SHQ1: variants seen among roughly 807,000 people sequenced by gnomAD.
SHQ1 encodes the protein protein SHQ1 homolog.
A neutral mutation model predicts 53.8 loss-of-function variants in SHQ1; 49 were observed. The ratio of observed to expected loss-of-function variants is 0.91; its 90% confidence interval spans 0.72 to 1.16. The LOEUF is 1.16. Ranked by LOEUF, SHQ1 falls within the 50% of genes most tolerant of loss-of-function variation. The probability of loss-of-function intolerance (pLI) is 0.00; values close to 1 mark genes in which losing one functional copy is unlikely to be tolerated. For missense variants in SHQ1, 738 were observed against 683.1 expected (o/e 1.08, Z -0.90); for synonymous variants, 243 against 251.0 (o/e 0.97, Z 0.30).
intron 9 of SHQ1, 122 bp downstream of exon 9, chr3:72,812,549 T>C: frequency 9.6e-7 from 1 of 1,039,450 alleles, no homozygotes; most frequent in South Asian, 1.6e-5. Context: ...TAAAAGTGGT[T>C]GGATTCATTT....
At chr3:72,771,673 T>A (rs1224391282) in intron 10 of SHQ1, among the ~76,000 whole-genome samples, 1 of 152,202 alleles carries the variant, frequency 6.6e-6, no homozygotes, top group Non-Finnish European at 1.5e-5. Context: ...GACAAAGTAG[T>A]CTGCCCAAAA....
intron 10 of SHQ1, among the ~76,000 whole-genome samples, chr3:72,763,054 CACACACACAG>C (rs1456371004): frequency 2.6e-4 from 36 of 138,056 alleles, no homozygotes; most frequent in East Asian, 8.0e-4. Flanking sequence ...CACACACACA[CACACACACAG>C]AGAGAGAGAG....
intron 10 of SHQ1, among the ~76,000 whole-genome samples, chr3:72,769,191 G>C (rs1402749323): frequency 6.6e-6 from 1 of 152,196 alleles, no homozygotes; most frequent in Non-Finnish European, 1.5e-5. Flanking sequence ...AATGGAGACA[G>C]CTGGCCCCAG....
At chr3:72,792,784 CAAAAAAAAAAAAAAA>C (rs59948195) in intron 10 of SHQ1, 117 bp downstream of exon 10, 13 of 258,100 alleles carry the variant, frequency 5.0e-5, no homozygotes, top group South Asian at 2.7e-4. Flanking sequence ...ACCTCCATCT[CAAAAAAAAAAAAAAA>C]AAAAAAAAAA....
Position 72,812,681 on chromosome 3 carries a change from T to C in SHQ1, c.1050A>G (p.Ile350Met), listed in dbSNP as rs1372755987. Reference sequence around the variant, plus strand: ...ACAGTAATATCTTACCCAGTTGCAATATCTTTATAGTGTCCCTGTAGGCCT... The same window carrying C: ...ACAGTAATATCTTACCCAGTTGCAACATCTTTATAGTGTCCCTGTAGGCCT... ...VMKAYRDTIKILQLGKSAVLK... is the reference protein window; with the variant it reads ...VMKAYRDTIKMLQLGKSAVLK... Residue 350 changes from isoleucine to methionine, a missense_variant, in exon 9 of 11, where the codon ATA (isoleucine) becomes ATG (methionine). Transcript: ENST00000325599. 1.2e-6 allele frequency: 2 copies of C among 1,613,902 alleles called. No homozygotes were observed. Among genetic ancestry groups the C allele is most frequent in the Non-Finnish European group, 1.7e-6 (2 of 1,179,904 alleles).
chr3:72,737,193 G>T, the SHQ1 span, among the ~76,000 whole-genome samples: 1 of 152,062 alleles, frequency 6.6e-6, no homozygotes, highest in Admixed American at 6.6e-5. Context: ...CATGAGAATT[G>T]CTTGAACCCA....
intron 10 of SHQ1, among the ~76,000 whole-genome samples, chr3:72,779,332 T>A (rs1342807669): frequency 6.6e-6 from 1 of 152,184 alleles, no homozygotes; most frequent in African/African-American, 2.4e-5. Flanking sequence ...CCACCTTTTT[T>A]AGGTTAACTC....
chr3:72,746,685 A>G (rs1402223502), downstream of SHQ1, among the ~76,000 whole-genome samples: 2 of 152,330 alleles, frequency 1.3e-5, no homozygotes, highest in African/African-American at 4.8e-5. Flanking sequence ...GAGGAAGGGA[A>G]TAACAGGTTT....
the SHQ1 span, among the ~76,000 whole-genome samples, chr3:72,737,099 A>G: frequency 6.6e-6 from 1 of 151,924 alleles, no homozygotes; most frequent in African/African-American, 2.4e-5. Flanking sequence ...ATGAAACCCC[A>G]TCTCTACTAA....
chr3:72,792,855 A>G, intron 10 of SHQ1, 61 bp downstream of exon 10: 1 of 1,362,972 alleles, frequency 7.3e-7, no homozygotes, highest in Non-Finnish European at 1.0e-6. Flanking sequence ...CCTCCTGGGT[A>G]AATAGGTATT....
At chr3:72,781,978 A>G (rs1209355861) in intron 10 of SHQ1, among the ~76,000 whole-genome samples, 1 of 152,222 alleles carries the variant, frequency 6.6e-6, no homozygotes, top group East Asian at 1.9e-4. Context: ...AGCCACAGCA[A>G]TAGAAAATTT....
At chr3:72,818,938 G>A (rs759112406) in intron 6 of SHQ1, among the ~76,000 whole-genome samples, 5 of 152,160 alleles carry the variant, frequency 3.3e-5, no homozygotes, top group Admixed American at 6.5e-5. Context: ...ACAATCATGT[G>A]AGATTGGAAG....
intron 6 of SHQ1, among the ~76,000 whole-genome samples, chr3:72,819,972 G>A (rs571449869): frequency 6.6e-6 from 1 of 152,262 alleles, no homozygotes; most frequent in Non-Finnish European, 1.5e-5. Flanking sequence ...CCTTAGGTAT[G>A]GTTTTTGAGA....
intron 4 of SHQ1, among the ~76,000 whole-genome samples, chr3:72,837,724 T>C (rs907425533): frequency 6.6e-6 from 1 of 152,244 alleles, no homozygotes; most frequent in Non-Finnish European, 1.5e-5. Flanking sequence ...ATCATTTCAG[T>C]TTCTTCTAGC....
At chr3:72,846,306 T>TC in intron 1 of SHQ1, 1 of 1,526,388 alleles carries the variant, frequency 6.6e-7, no homozygotes, top group South Asian at 1.2e-5. Context: ...TTCTTTTTTT[T>TC]TTTTTTTTTA....
intron 1 of SHQ1, among the ~76,000 whole-genome samples, chr3:72,844,715 G>A (rs2106976505): frequency 6.6e-6 from 1 of 152,144 alleles, no homozygotes; most frequent in East Asian, 1.9e-4. Flanking sequence ...AACACAAGTT[G>A]AGTATCCCTA....
intron 10 of SHQ1, chr3:72,773,006 C>G: frequency 8.5e-7 from 1 of 1,177,728 alleles, no homozygotes; most frequent in Non-Finnish European, 1.3e-6. Context: ...AGTTCCAAAT[C>G]TGAAGAACAT....
intron 8 of SHQ1, among the ~76,000 whole-genome samples, chr3:72,814,247 T>C (rs1707234165): frequency 6.6e-6 from 1 of 152,240 alleles, no homozygotes; most frequent in Non-Finnish European, 1.5e-5. Flanking sequence ...AGTCACCAAC[T>C]ACTTTCAACA....
intron 9 of SHQ1, among the ~76,000 whole-genome samples, chr3:72,799,726 T>C (rs1433574472): frequency 6.6e-6 from 1 of 152,220 alleles, no homozygotes; most frequent in African/African-American, 2.4e-5. Flanking sequence ...TTAAAAAGTA[T>C]TGTTATTAAA....
Sources: gnomAD v4.1 joint callset for allele counts (sites outside exome capture counted in the v4.1 genomes callset) on GRCh38, gnomAD v4.1.1 for gene constraint, MANE v1.5 for transcripts, NCBI Gene and HGNC (gene_info 2026-07-23, HGNC 2026-07-21) for gene names.